The following MT1X variants were observed in gnomAD, a reference collection of about 807,000 sequenced individuals.
MT1X encodes metallothionein 1X.
MT1X carries 7 observed loss-of-function variants against 8.6 expected under a neutral mutation model. That is an observed-to-expected ratio of 0.81 (90% CI 0.46 to 1.52). The LOEUF is 1.52. MT1X is among the 40% of genes most tolerant of loss of function. The pLI, the probability that MT1X is intolerant of heterozygous loss-of-function variation, is 0.01. For synonymous variants in MT1X, 25 were observed against 27.6 expected (o/e 0.91, Z 0.30); for missense variants, 72 against 74.3 (o/e 0.97, Z 0.11).
intron 2 of MT1X, chr16:56,683,573 T>C (rs1190107227): frequency 1.0e-5 from 4 of 390,796 alleles, no homozygotes; most frequent in South Asian, 8.2e-5. Context: ...TCAAACCTAA[T>C]GATCCAGTCC....
chr16:56,682,479 T>C lies in MT1X; in HGVS notation c.-62T>C. ...CCGGCTTCTGGGCTCCACCACGCTT[T>C]TCATCTGTCCCGCTGCGTGTTTTCC... On this transcript the variant is annotated 5_prime_UTR_variant, in exon 1 of 3. Transcript: ENST00000394485. The C allele has an allele frequency of 6.2e-7, 1 of 1,604,814 alleles. No homozygotes were observed. The highest frequency in any genetic ancestry group is 8.5e-7 in the Non-Finnish European group (1 of 1,171,662).
chr16:56,683,859 C>T (rs1961030887), intron 2 of MT1X, 99 bp from the exon 3 acceptor site: 1 of 1,526,230 alleles, frequency 6.6e-7, no homozygotes, highest in African/African-American at 1.4e-5. Context: ...AATGATGGTC[C>T]TCTGGGGCTG....
At chr16:56,683,117 C>G in intron 1 of MT1X, 48 bp from the exon 2 acceptor site, 1 of 1,608,676 alleles carries the variant, frequency 6.2e-7, no homozygotes, top group Non-Finnish European at 8.5e-7. Flanking sequence ...AGCTGCTGTA[C>G]CTTCTGCATC....
intron 2 of MT1X, 120 bp downstream of exon 2, chr16:56,683,350 T>A: frequency 8.6e-7 from 1 of 1,160,364 alleles, no homozygotes; most frequent in African/African-American, 1.5e-5. Context: ...CTTCAACACC[T>A]GATTCAGAAT....
Position 56,682,545 on chromosome 16 carries a change from AC to A in MT1X, c.9del (p.Asn4ThrfsTer103). On this transcript the variant is annotated frameshift_variant, in exon 1 of 3. Transcript: ENST00000394485. LOFTEE classifies it high-confidence loss of function. M[D>X]PNCSCSPVGS... ...CCTGCTTCTCCTTGCCTCGAAATGG[AC>A]CCCAACTGCTCCTGCTCGCCTGGTA... The A allele has an allele frequency of 6.2e-7, 1 of 1,613,960 alleles. No individual in the cohort carries two copies. The highest frequency in any genetic ancestry group is 8.5e-7 in the Non-Finnish European group (1 of 1,179,990).
At position 56,683,990 on chromosome 16, in the gene MT1X, A is replaced by C. The variant is rs1268916190; in HGVS notation, c.127A>C (p.Lys43Gln). Reference protein sequence around the residue: ...CCSCCPVGCAKCAQGCICKGT... With the variant: ...CCSCCPVGCAQCAQGCICKGT... ...CTCCTGCTGCCCTGTGGGCTGTGCCAAGTGTGCCCAGGGCTGCATCTGCAA... is the reference window on the plus strand; with the variant it reads ...CTCCTGCTGCCCTGTGGGCTGTGCCCAGTGTGCCCAGGGCTGCATCTGCAA... The change falls in exon 3 of 3, where the codon AAG becomes CAG. Residue 43 changes from lysine (K) to glutamine (Q), a missense_variant. By Grantham distance (53) the Lys-to-Gln change is moderately conservative. Transcript: ENST00000394485. The C allele has an allele frequency of 6.2e-7, 1 of 1,614,084 alleles. No individual in the cohort carries two copies. Among genetic ancestry groups the C allele is most frequent in the Admixed American group, 1.7e-5 (1 of 60,010 alleles).
At chr16:56,682,762 A>G in intron 1 of MT1X, 194 bp downstream of exon 1, 1 of 693,824 alleles carries the variant, frequency 1.4e-6, no homozygotes, top group Non-Finnish European at 2.4e-6. Flanking sequence ...AGTTGAGGGT[A>G]CTGAGGCCCA....
Position 56,683,162 on chromosome 16 carries a change from CA to C in MT1X, c.29-2del. On this transcript the variant is annotated splice_acceptor_variant, in intron 1 of 2. Transcript: ENST00000394485. LOFTEE classifies it high-confidence loss of function. Reference sequence around the variant, plus strand: ...GCTCACTGCCTTTTTCTCTTCCTTGCAGTTGGCTCCTGTGCCTGTGCCGGCT... The same window carrying C: ...GCTCACTGCCTTTTTCTCTTCCTTGCGTTGGCTCCTGTGCCTGTGCCGGCT... The C allele has an allele frequency of 6.2e-7, 1 of 1,613,906 alleles. No individual in the cohort carries two copies. Among genetic ancestry groups the C allele is most frequent in the Admixed American group, 1.7e-5 (1 of 60,010 alleles).
At chr16:56,682,975 C>T (rs2144368392) in intron 1 of MT1X, 190 bp from the exon 2 acceptor site, 1 of 691,740 alleles carries the variant, frequency 1.4e-6, no homozygotes, top group East Asian at 2.8e-5. Flanking sequence ...GGGGTAAAAG[C>T]AACAGAACAC....
Position 56,682,583 on chromosome 16 carries a change from G to T in MT1X, c.28+15G>T, listed in dbSNP as rs866532133. On this transcript the variant is annotated intron_variant, in intron 1 of 2. Transcript: ENST00000394485. ...CTGCTCGCCTGGTAAGGGACACCTAGCTCCGCGCCTTGGGATGCCCGTTTC... is the reference window on the plus strand; with the variant it reads ...CTGCTCGCCTGGTAAGGGACACCTATCTCCGCGCCTTGGGATGCCCGTTTC... 2.5e-6 allele frequency: 4 copies of T among 1,614,186 alleles called. No homozygotes were observed. Among genetic ancestry groups the T allele is most frequent in the Non-Finnish European group, 2.5e-6 (3 of 1,180,020 alleles).
chr16:56,683,821 C>A (rs1961030646), intron 2 of MT1X, 137 bp from the exon 3 acceptor site: 8 of 1,283,858 alleles, frequency 6.2e-6, no homozygotes, highest in Non-Finnish European at 7.7e-6. Context: ...TCTACCAGTT[C>A]TCTTCTGACA....
intron 2 of MT1X, 73 bp from the exon 3 acceptor site, chr16:56,683,885 C>G (rs1806199577): frequency 6.2e-7 from 1 of 1,601,228 alleles, no homozygotes; most frequent in South Asian, 1.1e-5. Flanking sequence ...AGGGCTCGAG[C>G]CAGGCCTCTG....
Position 56,682,530 on chromosome 16 carries a change from C to A in MT1X, c.-11C>A. Reference sequence around the variant, plus strand: ...TCTTGATCGGGAACTCCTGCTTCTCCTTGCCTCGAAATGGACCCCAACTGC... The same window carrying A: ...TCTTGATCGGGAACTCCTGCTTCTCATTGCCTCGAAATGGACCCCAACTGC... On this transcript the variant is annotated 5_prime_UTR_variant, in exon 1 of 3. Transcript: ENST00000394485. 1.2e-6 allele frequency: 2 copies of A among 1,614,224 alleles called. No homozygotes were observed. Among genetic ancestry groups the A allele is most frequent in the Non-Finnish European group, 1.7e-6 (2 of 1,180,038 alleles).
chr16:56,683,996 GC>G lies in MT1X; in HGVS notation c.136del (p.Gln46ArgfsTer61). Reference sequence around the variant, plus strand: ...CTGCCCTGTGGGCTGTGCCAAGTGTGCCCAGGGCTGCATCTGCAAAGGGACG... The same window carrying G: ...CTGCCCTGTGGGCTGTGCCAAGTGTGCCAGGGCTGCATCTGCAAAGGGACG... ...SCCPVGCAKC[A>X]QGCICKGTSD... is the part of the protein sequence containing the mutation. On this transcript the variant is annotated frameshift_variant, in exon 3 of 3. Coordinates refer to ENST00000394485, the MANE Select transcript of MT1X (RefSeq NM_005952.4). LOFTEE classifies it high-confidence loss of function. 1 of 1,614,112 alleles carries G rather than the reference GC, an allele frequency of 6.2e-7. No individual in the cohort carries two copies. Among genetic ancestry groups the G allele is most frequent in the East Asian group, 2.2e-5 (1 of 44,878 alleles).
At chr16:56,683,034 C>A in intron 1 of MT1X, 131 bp from the exon 2 acceptor site, 1 of 1,105,340 alleles carries the variant, frequency 9.0e-7, no homozygotes, top group East Asian at 2.4e-5. Flanking sequence ...CTCTTCCTCT[C>A]CCCTGAGTGG....
In MT1X at chr16:56,684,123, T is replaced by G. The variant is rs1407616923; in HGVS notation, c.*74T>G. On this transcript the variant is annotated 3_prime_UTR_variant, in exon 3 of 3. Coordinates refer to ENST00000394485, the MANE Select transcript of MT1X (RefSeq NM_005952.4). Reference sequence around the variant, plus strand: ...CCTGGATTTTTTTTTTTTTTTTTTTTGTACAACCCTGACCCGTTTGCTACA... The same window carrying G: ...CCTGGATTTTTTTTTTTTTTTTTTTGGTACAACCCTGACCCGTTTGCTACA... The G allele has an allele frequency of 6.4e-6, 7 of 1,098,200 alleles. No individual in the cohort carries two copies. In the African/African-American group the frequency reaches 7.7e-5, roughly 12 times the overall value. 68.0% of individuals were successfully genotyped at this position (1,098,200 alleles called of 1,614,324 possible).
Position 56,682,484 on chromosome 16 carries a change from C to T in MT1X, c.-57C>T. 6.2e-7 allele frequency: 1 copy of T among 1,606,978 alleles called. No homozygotes were observed. Among genetic ancestry groups the T allele is most frequent in the Middle Eastern group, 1.7e-4 (1 of 6,050 alleles). On this transcript the variant is annotated 5_prime_UTR_variant, in exon 1 of 3. Coordinates refer to ENST00000394485, the MANE Select transcript of MT1X (RefSeq NM_005952.4). Reference sequence around the variant, plus strand: ...TTCTGGGCTCCACCACGCTTTTCATCTGTCCCGCTGCGTGTTTTCCTCTTG... The same window carrying T: ...TTCTGGGCTCCACCACGCTTTTCATTTGTCCCGCTGCGTGTTTTCCTCTTG...
At chr16:56,683,288 C>T (rs1193801040) in intron 2 of MT1X, 58 bp downstream of exon 2, 1 of 1,601,978 alleles carries the variant, frequency 6.2e-7, no homozygotes, top group African/African-American at 1.3e-5. Context: ...AGCAGGGAAC[C>T]CAGAGCTCTG....
At position 56,684,183 on chromosome 16, in the gene MT1X, A is replaced by G; in HGVS notation, c.*134A>G. The G allele has an allele frequency of 9.0e-7, 1 of 1,107,878 alleles. No individual in the cohort carries two copies. Among genetic ancestry groups the G allele is most frequent in the Non-Finnish European group, 1.3e-6 (1 of 796,428 alleles). 68.6% of individuals were successfully genotyped at this position (1,107,878 alleles called of 1,614,324 possible). ...CTATGAAATATGTGAATGGCAATAA[A>G]TTCATCTAGACTATTCTGGCTCTGG... On this transcript the variant is annotated 3_prime_UTR_variant, in exon 3 of 3. Coordinates refer to ENST00000394485, the MANE Select transcript of MT1X (RefSeq NM_005952.4).
Sources: gnomAD v4.1 joint callset for allele counts on GRCh38, gnomAD v4.1.1 for gene constraint, MANE v1.5 for transcripts, NCBI Gene and HGNC (gene_info 2026-07-23, HGNC 2026-07-21) for gene names.